DCTN4: variants seen among roughly 807,000 people sequenced by gnomAD.
The protein encoded by DCTN4 is dynactin subunit 4, also known as dynactin 4 (p62).
In DCTN4, 23 loss-of-function variants were observed where a neutral mutation model predicts 62.7. The observed-to-expected ratio is 0.37, with a 90% CI of 0.26 to 0.52. DCTN4 has a LOEUF of 0.52. Ranked by LOEUF, DCTN4 falls within the 20% of genes least tolerant of loss-of-function variation. The probability of loss-of-function intolerance (pLI) is 0.92; values close to 1 mark genes in which losing one functional copy is unlikely to be tolerated. For synonymous variants in DCTN4, 199 were observed against 202.1 expected (o/e 0.98, Z 0.13); for missense variants, 514 against 580.4 (o/e 0.89, Z 1.18).
rs936502403 is a variant in DCTN4, at chr5:150,709,518, G to C, written c.*1631C>G. ...AACTCTTTCTATAGTCTGCAAATCT[G>C]TAATTACCCATCCCCCTGCTCCAAC... On this transcript the variant is annotated 3_prime_UTR_variant, in exon 13 of 13. Coordinates refer to ENST00000447998, the MANE Select transcript of DCTN4 (RefSeq NM_016221.4). 6.6e-6 allele frequency: 1 copy of C among 152,358 alleles called. No individual in the cohort carries two copies. The highest frequency in any genetic ancestry group is 1.5e-5 in the Non-Finnish European group (1 of 68,032). The allele number at this position is 152,358 out of a possible 1,614,324, so 9.4% of individuals were successfully genotyped here.
rs202010296 is a variant in DCTN4, at chr5:150,715,573, G to A, written c.1161C>T (p.Asp387=). 62 of 1,613,408 alleles carry A rather than the reference G, an allele frequency of 3.8e-5. No homozygotes were observed. Among genetic ancestry groups the A allele is most frequent in the Middle Eastern group, 1.6e-4 (1 of 6,082 alleles). ...DELAEPQDFQ[D]DPDIIAFRKA... is the part of the protein sequence containing the mutation. ...ACAAAAAGATCACTCACTCAGGATC[G>A]TCCTGAAAGTCTTGAGGTTCTGCCA... Residue 387 remains aspartate, a synonymous_variant, in exon 12 of 13, where the codon GAC becomes GAT. Coordinates refer to ENST00000447998, the MANE Select transcript of DCTN4 (RefSeq NM_016221.4).
At chr5:150,726,081 A>G (rs1463556066) in intron 8 of DCTN4, among the ~76,000 whole-genome samples, 4 of 152,148 alleles carry the variant, frequency 2.6e-5, no homozygotes, top group Non-Finnish European at 5.9e-5. Flanking sequence ...GTATAAGGCT[A>G]TATGACTTTT....
At chr5:150,734,499 C>A (rs1760502674) in intron 4 of DCTN4, 1 of 152,180 alleles carries the variant, frequency 6.6e-6, no homozygotes, top group Non-Finnish European at 1.5e-5. Context: ...CAGTGAAGCC[C>A]AGGGAAGTCA....
intron 3 of DCTN4, among the ~76,000 whole-genome samples, chr5:150,748,943 GAAAA>G (rs983426605): frequency 2.7e-5 from 4 of 146,966 alleles, no homozygotes; most frequent in South Asian, 2.1e-4. Flanking sequence ...ATAATAATAA[GAAAA>G]AAAAAGAAAA....
At chr5:150,716,270 T>C (rs986414486) in intron 11 of DCTN4, among the ~76,000 whole-genome samples, 2 of 152,180 alleles carry the variant, frequency 1.3e-5, no homozygotes, top group African/African-American at 4.8e-5. Flanking sequence ...TCATTTTTTT[T>C]TGATACATCT....
intron 3 of DCTN4, among the ~76,000 whole-genome samples, chr5:150,747,154 CAGAG>C (rs1039890713): frequency 2.6e-5 from 4 of 152,126 alleles, no homozygotes; most frequent in Admixed American, 2.6e-4. Flanking sequence ...AACAGACAAA[CAGAG>C]AGCCAAATCA....
chr5:150,712,365 G>A (rs899383643), intron 12 of DCTN4, among the ~76,000 whole-genome samples: 8 of 152,184 alleles, frequency 5.3e-5, no homozygotes, highest in Admixed American at 2.0e-4. Context: ...CCTGATCTCA[G>A]GTGATCCACC....
At chr5:150,749,348 C>T (rs1207485595) in intron 3 of DCTN4, among the ~76,000 whole-genome samples, 1 of 152,180 alleles carries the variant, frequency 6.6e-6, no homozygotes, top group African/African-American at 2.4e-5. Flanking sequence ...AGATATATGG[C>T]TGGTAAACAA....
intron 2 of DCTN4, among the ~76,000 whole-genome samples, chr5:150,755,979 T>C (rs115705420): frequency 1.8e-3 from 273 of 152,198 alleles, no homozygotes; most frequent in African/African-American, 6.3e-3. Flanking sequence ...GATTTCATCT[T>C]TGGCAATGGT....
chr5:150,730,115 C>T (rs13362451), intron 8 of DCTN4, among the ~76,000 whole-genome samples: 22,526 of 152,120 alleles, frequency 0.15, 3,006 homozygotes, highest in African/African-American at 0.35. Context: ...GGCTATCATG[C>T]GGGACTGTAC....
At chr5:150,728,344 C>G (rs1277152080) in intron 8 of DCTN4, among the ~76,000 whole-genome samples, 2 of 152,252 alleles carry the variant, frequency 1.3e-5, no homozygotes, top group East Asian at 1.9e-4. Context: ...TATAAGTGTT[C>G]TGTGTGTACT....
Position 150,716,034 on chromosome 5 carries a change from A to G in DCTN4, c.1072-372T>C, listed in dbSNP as rs143409342. 7.6e-3 allele frequency among the ~76,000 whole-genome samples: 1,158 copies of G among 152,222 alleles called. 6 individuals are homozygous for G. The highest frequency in any genetic ancestry group is 0.011 in the Non-Finnish European group (781 of 68,020). On this transcript the variant is annotated intron_variant, in intron 11 of 12. Coordinates refer to ENST00000447998, the MANE Select transcript of DCTN4 (RefSeq NM_016221.4). ...ATTCTCCTGACTCAGCCTCATGAGT[A>G]GCTAGGACTACAGGTGCCCACCACC...
At position 150,753,516 on chromosome 5, in the gene DCTN4, C is replaced by A; in HGVS notation, c.348G>T (p.Trp116Cys). 1 of 1,614,168 alleles carries A rather than the reference C, an allele frequency of 6.2e-7. No individual in the cohort carries two copies. Among genetic ancestry groups the A allele is most frequent in the Non-Finnish European group, 8.5e-7 (1 of 1,180,010 alleles). ...CTGCCATGCCCACATCTCTAGACGT[C>A]CAGCGACAAAATCCACATGCCAGGT... ...AYYLACGFCR[W>C]TSRDVGMADK... Residue 116 changes from tryptophan (W) to cysteine (C), a missense_variant, in exon 3 of 13, where the codon TGG (tryptophan) becomes TGT (cysteine). Physicochemically the swap from Trp to Cys is radical, Grantham distance 215. Transcript: ENST00000447998.
chr5:150,752,121 G>A, intron 3 of DCTN4, among the ~76,000 whole-genome samples: 1 of 152,106 alleles, frequency 6.6e-6, no homozygotes, highest in Non-Finnish European at 1.5e-5. Flanking sequence ...CGGAGTTAGT[G>A]ATGCTACTAC....
At chr5:150,754,451 G>C (rs1752785108) in intron 2 of DCTN4, among the ~76,000 whole-genome samples, 3 of 152,168 alleles carry the variant, frequency 2.0e-5, no homozygotes, top group Non-Finnish European at 4.4e-5. Flanking sequence ...CTGGTTATCA[G>C]GGGTTACTTC....
At chr5:150,736,052 C>T (rs1760570117) in intron 4 of DCTN4, among the ~76,000 whole-genome samples, 1 of 150,812 alleles carries the variant, frequency 6.6e-6, no homozygotes, top group Non-Finnish European at 1.5e-5. Context: ...CTGACAAATA[C>T]AAAGAAAAAA....
Position 150,752,734 on chromosome 5 carries a change from T to G in DCTN4, c.385+745A>C, listed in dbSNP as rs147531347. 3.7e-3 allele frequency among the ~76,000 whole-genome samples: 565 copies of G among 152,352 alleles called. 2 individuals carry two copies. The highest frequency in any genetic ancestry group is 0.01 in the African/African-American group (434 of 41,582). ...TTATTTCTACTATGAGAATTGCTGCTCATATCCTTTGCCTGTTTTTCTACT... is the reference window on the plus strand; with the variant it reads ...TTATTTCTACTATGAGAATTGCTGCGCATATCCTTTGCCTGTTTTTCTACT... On this transcript the variant is annotated intron_variant, in intron 3 of 12. Coordinates refer to ENST00000447998, the MANE Select transcript of DCTN4 (RefSeq NM_016221.4).
intron 9 of DCTN4, among the ~76,000 whole-genome samples, chr5:150,722,171 A>AG (rs1403223774): frequency 6.6e-6 from 1 of 152,146 alleles, no homozygotes; most frequent in Non-Finnish European, 1.5e-5. Flanking sequence ...CTAAGGTCAA[A>AG]GGTGTTTCTT....
At position 150,710,348 on chromosome 5, in the gene DCTN4, T is replaced by A. The variant is rs1439275266; in HGVS notation, c.*801A>T. On this transcript the variant is annotated 3_prime_UTR_variant, in exon 13 of 13. Transcript: ENST00000447998. ...GGTAGGAAGTAAGACAAATAAAGAT[T>A]GCCCCCCTGTGGCAGCATTAATCCC... 6.6e-6 allele frequency: 1 copy of A among 152,314 alleles called. No individual in the cohort carries two copies. Among genetic ancestry groups the A allele is most frequent in the Non-Finnish European group, 1.5e-5 (1 of 68,038 alleles). The allele number at this position is 152,314 out of a possible 1,614,324, so 9.4% of individuals were successfully genotyped here.
Sources: gnomAD v4.1 joint callset for allele counts (sites outside exome capture counted in the v4.1 genomes callset) on GRCh38, gnomAD v4.1.1 for gene constraint, MANE v1.5 for transcripts, NCBI Gene and HGNC (gene_info 2026-07-23, HGNC 2026-07-21) for gene names.